Variants in SGSH observed in about 807,000 individuals in gnomAD.
SGSH encodes the protein N-sulfoglucosamine sulfohydrolase.
SGSH carries 48 observed loss-of-function variants against 51.0 expected under a neutral mutation model. That is an observed-to-expected ratio of 0.94 (90% confidence interval 0.75 to 1.20). The LOEUF (loss-of-function observed/expected upper bound fraction) is 1.20, where lower values mean the gene tolerates loss of function less well. Ranked by LOEUF, SGSH falls within the 50% of genes most tolerant of loss-of-function variation. The probability of loss-of-function intolerance (pLI) is 0.00; values close to 1 mark genes in which losing one functional copy is unlikely to be tolerated. For missense variants in SGSH, 662 were observed against 717.8 expected, an observed-to-expected ratio of 0.92 and a Z score of 0.89; for synonymous variants, 321 against 313.4, an observed-to-expected ratio of 1.02 and a Z score of -0.26.
downstream of SGSH, chr17:80,204,162 T>C: frequency 6.8e-7 from 1 of 1,479,282 alleles, no homozygotes; most frequent in Non-Finnish European, 9.1e-7. Flanking sequence ...TCATCTCCCC[T>C]GAATTCCCAT....
chr17:80,216,816 C>T, intron 2 of SGSH: 1 of 587,420 alleles, frequency 1.7e-6, no homozygotes, highest in South Asian at 2.1e-5. Context: ...GTGACTTGCT[C>T]AAGGCCACAC....
intron 1 of SGSH, among the ~76,000 whole-genome samples, chr17:80,218,661 G>A (rs570825702): frequency 6.6e-6 from 1 of 152,354 alleles, no homozygotes; most frequent in African/African-American, 2.4e-5. Flanking sequence ...GTACCCGCAG[G>A]CCAGGAAGAA....
downstream of SGSH, among the ~76,000 whole-genome samples, chr17:80,206,503 C>T (rs543705140): frequency 1.5e-3 from 234 of 152,320 alleles, 1 homozygote; most frequent in African/African-American, 5.4e-3. Context: ...CGGTGGCTCA[C>T]GCCTCTAATC....
At chr17:80,205,054 G>T, downstream of SGSH, 1 of 1,603,032 alleles carries the variant, frequency 6.2e-7, no homozygotes, top group Non-Finnish European at 8.5e-7. Context: ...CGTGCTTCTG[G>T]GCCGAGAGCT....
In SGSH at chr17:80,213,665, T is replaced by C; in HGVS notation, c.745+139A>G. 5 of 787,914 alleles carry C rather than the reference T, an allele frequency of 6.3e-6. No individual in the cohort carries two copies. Among genetic ancestry groups the C allele is most frequent in the Non-Finnish European group, 8.3e-6 (4 of 480,240 alleles). The allele number at this position is 787,914 out of a possible 1,614,324, so 48.8% of individuals were successfully genotyped here. A position where few individuals can be genotyped will look rare whatever the true frequency, so the allele number is the denominator to read the frequency against. The stretch of plus-strand genomic sequence containing the variant: ...CACCCACAGGCCCCTCCTCTCAATG[T>C]GGGCTCTGCCAGCTGCAGCACAGGG... On this transcript the variant is annotated intron_variant, in intron 6 of 7. Coordinates refer to ENST00000326317, the MANE Select transcript of SGSH (RefSeq NM_000199.5). This position sits in a 1 kb window ranked among gnomAD's most constrained non-coding sequence, Gnocchi z 4.6.
At chr17:80,209,160 G>A (rs56105268), downstream of SGSH, 16 of 301,386 alleles carry the variant, frequency 5.3e-5, no homozygotes, top group African/African-American at 9.1e-5. Flanking sequence ...ACCCAGGTCC[G>A]CCAGCACCTG....
At chr17:80,207,651 G>A (rs566562657), downstream of SGSH, 99 of 158,474 alleles carry the variant, frequency 6.2e-4, no homozygotes, top group Middle Eastern at 9.6e-3. Context: ...CCAGGATGAC[G>A]GTGCCTTTTA....
intron 2 of SGSH, chr17:80,216,777 G>A (rs961649461): frequency 1.8e-6 from 1 of 551,670 alleles, no homozygotes; most frequent in African/African-American, 1.9e-5. Context: ...CCATCTTACA[G>A]ATGAGGAAAC....
rs536492725 is a variant in SGSH at position 80,214,006 on chromosome 17, C to A, written c.664-121G>T. 41 of 1,304,470 alleles carry A rather than the reference C, an allele frequency of 3.1e-5. No homozygotes were observed. The Admixed American group carries it at 7.7e-4, about 24-fold the overall frequency. 80.8% of individuals were successfully genotyped at this position (1,304,470 alleles called of 1,614,324 possible). A position where few individuals can be genotyped will look rare whatever the true frequency, so the allele number is the denominator to read the frequency against. Reference sequence around the variant, plus strand: ...AGAACAGCCTCACTCCGGACCACCCCGTCTCTCTACGGTTCTCTCTGTGGC... The same window carrying A: ...AGAACAGCCTCACTCCGGACCACCCAGTCTCTCTACGGTTCTCTCTGTGGC... On this transcript the variant is annotated intron_variant, in intron 5 of 7. Coordinates refer to ENST00000326317, the MANE Select transcript of SGSH (RefSeq NM_000199.5).
At chr17:80,211,079 G>A (rs1473125331) in intron 7 of SGSH, 68 bp from the exon 8 acceptor site, 3 of 1,582,622 alleles carry the variant, frequency 1.9e-6, no homozygotes, top group African/African-American at 1.3e-5. Flanking sequence ...CGGAAGGGCC[G>A]AACCTACGCC....
At chr17:80,214,384 G>A (rs1242507011) in intron 4 of SGSH, 56 bp from the exon 5 acceptor site, 18 of 1,580,544 alleles carry the variant, frequency 1.1e-5, no homozygotes, top group Non-Finnish European at 1.5e-5. Context: ...CGTGGCACAG[G>A]AAGCCCCTCG....
rs764491308 is a variant in SGSH, at chr17:80,210,566, C to G, written c.1395G>C (p.Arg465=). ...PRFAQLLEML[R]DQLAKWQWET... is the part of the protein sequence containing the mutation. ...CCCACTGCCACTTGGCCAGCTGGTCCCGAAGCATCTCCAGAAGCTGAGCAA... is the reference window on the plus strand; with the variant it reads ...CCCACTGCCACTTGGCCAGCTGGTCGCGAAGCATCTCCAGAAGCTGAGCAA... The change falls in exon 8 of 8, where the codon CGG becomes CGC. Residue 465 remains arginine (R), a synonymous_variant. Coordinates refer to ENST00000326317, the MANE Select transcript of SGSH (RefSeq NM_000199.5). 3 of 1,613,018 alleles carry G rather than the reference C, an allele frequency of 1.9e-6. No homozygotes were observed. The highest frequency in any genetic ancestry group is 2.5e-6 in the Non-Finnish European group (3 of 1,179,872).
At chr17:80,207,134 C>G (rs780918685), downstream of SGSH, 18 of 1,406,376 alleles carry the variant, frequency 1.3e-5, no homozygotes, top group South Asian at 1.3e-4. Flanking sequence ...GGCTCCTGGG[C>G]TCCCCCAAAG....
downstream of SGSH, chr17:80,207,112 G>A: frequency 6.4e-7 from 1 of 1,560,916 alleles, no homozygotes; most frequent in Non-Finnish European, 8.8e-7. Flanking sequence ...GGCTGGGCAG[G>A]GGCTTCGAAG....
rs977972588 is a variant in SGSH at position 80,209,318 on chromosome 17, A to G, written c.*1134T>C. 8.1e-6 allele frequency: 8 copies of G among 985,224 alleles called. No homozygotes were observed. Among genetic ancestry groups the G allele is most frequent in the Non-Finnish European group, 9.6e-6 (8 of 829,852 alleles). The allele number at this position is 985,224 out of a possible 1,614,324, so 61.0% of individuals were successfully genotyped here. On this transcript the variant is annotated 3_prime_UTR_variant, in exon 8 of 8. Coordinates refer to ENST00000326317, the MANE Select transcript of SGSH (RefSeq NM_000199.5). ...CTTCTGTATATTTTACTAAAATAAA[A>G]AGCTTTTACAATAGCTGGCCTGTGG... is the stretch of plus-strand genomic sequence containing the variant.
chr17:80,201,675 C>A, the SGSH span: 1 of 1,575,782 alleles, frequency 6.3e-7, no homozygotes, highest in Non-Finnish European at 8.7e-7. The surrounding 1 kb of genome is among the most constrained non-coding windows in gnomAD (Gnocchi z 5.0). Context: ...GTGCCCTCAG[C>A]GCCTTCTGTC....
chr17:80,217,279 C>A, intron 1 of SGSH, 87 bp from the exon 2 acceptor site: 1 of 1,486,078 alleles, frequency 6.7e-7, no homozygotes. Flanking sequence ...GACTGTGATG[C>A]CAGAAGGCGA....
At chr17:80,208,014 G>T (rs2041435766), downstream of SGSH, 1 of 635,494 alleles carries the variant, frequency 1.6e-6, no homozygotes, top group Non-Finnish European at 2.6e-6. Context: ...TCTTTACAAG[G>T]TCCCCTCAAA....
Position 80,210,513 on chromosome 17 carries a change from G to A in SGSH, c.1448C>T (p.Pro483Leu), listed in dbSNP as rs1598736884. The A allele has an allele frequency of 6.2e-7, 1 of 1,609,404 alleles. No homozygotes were observed. Among genetic ancestry groups the A allele is most frequent in the Non-Finnish European group, 8.5e-7 (1 of 1,179,534 alleles). The stretch of plus-strand genomic sequence containing the variant: ...GAGCTTCTCCTCCAGGACGCCGTCG[G>A]GGGCGCACACCCAGGGGTCGTGGGT... ...WETHDPWVCA[P>L]DGVLEEKLSP... The change falls in exon 8 of 8, where the codon CCC becomes CTC. Residue 483 changes from proline (P) to leucine (L), a missense_variant. Physicochemically the swap from Pro to Leu is moderately conservative, Grantham distance 98. Transcript: ENST00000326317.
Sources: gnomAD v4.1 joint callset for allele counts (sites outside exome capture counted in the v4.1 genomes callset) on GRCh38, gnomAD v4.1.1 for gene constraint, Gnocchi (gnomAD v3.1) non-coding constraint, MANE v1.5 for transcripts, NCBI Gene and HGNC (gene_info 2026-07-23, HGNC 2026-07-21) for gene names.